The following KCNK9 variants were observed in gnomAD, a reference collection of about 807,000 sequenced individuals.
The protein encoded by KCNK9 is potassium two pore domain channel subfamily K member 9, also known as potassium channel subfamily K member 9.
In KCNK9, 1 loss-of-function variant was observed where a neutral mutation model predicts 10.8. The observed-to-expected ratio is 0.09, with a 90% CI of 0.03 to 0.44. The LOEUF is 0.44. Among genes scored for constraint, KCNK9 ranks in the 20% least tolerant of loss-of-function variants. The pLI is 0.97. For missense variants in KCNK9, 303 were observed against 515.0 expected (o/e 0.59, Z 3.98); for synonymous variants, 231 against 222.7 (o/e 1.04, Z -0.33).
chr8:139,687,368 G>T (rs1206819132), intron 1 of KCNK9, among the ~76,000 whole-genome samples: 3 of 141,880 alleles, frequency 2.1e-5, no homozygotes, highest in Admixed American at 7.2e-5. Flanking sequence ...ACATATATAT[G>T]TGTATACATA....
downstream of KCNK9, among the ~76,000 whole-genome samples, chr8:139,608,422 C>A (rs1051691662): frequency 6.6e-6 from 1 of 152,256 alleles, no homozygotes; most frequent in Non-Finnish European, 1.5e-5. Context: ...CCTTCCTTCG[C>A]AGACGGGGAA....
chr8:139,626,955 G>A lies in KCNK9; in HGVS notation c.284-7856C>T, dbSNP rs570854714. On this transcript the variant is annotated intron_variant, in intron 1 of 1. Coordinates refer to ENST00000520439, the MANE Select transcript of KCNK9 (RefSeq NM_001282534.2). ...TCCCACTCATCCTCCCATGAGCTTC[G>A]GCCCCGCTCAGGCCCCGGAATGAAC... 5.3e-5 allele frequency among the ~76,000 whole-genome samples: 8 copies of A among 152,220 alleles called. No individual in the cohort carries two copies. The East Asian group carries it at 9.7e-4, about 18-fold the overall frequency.
Position 139,687,490 on chromosome 8 carries a change from A to ATT in KCNK9, c.283+15219_283+15220insAA, listed in dbSNP as rs1324363302. Among the ~76,000 whole-genome samples the ATT allele has an allele frequency of 2.3e-3, 91 of 38,830 alleles. 18 individuals are homozygous for ATT. Among genetic ancestry groups the ATT allele is most frequent in the Non-Finnish European group, 3.8e-3 (56 of 14,820 alleles). 25.5% of individuals were successfully genotyped at this position (38,830 alleles called of 152,430 possible). A position where few individuals can be genotyped will look rare whatever the true frequency, so the allele number is the denominator to read the frequency against. ...TATTCATATATATGTATACATATATACACATATATACATATATATGTATAC... is the reference window on the plus strand; with the variant it reads ...TATTCATATATATGTATACATATATATTCACATATATACATATATATGTATAC... On this transcript the variant is annotated intron_variant, in intron 1 of 1. Transcript: ENST00000520439.
chr8:139,624,716 C>T (rs1814910228), intron 1 of KCNK9, among the ~76,000 whole-genome samples: 1 of 152,192 alleles, frequency 6.6e-6, no homozygotes, highest in Non-Finnish European at 1.5e-5. Context: ...AGGTCACCTG[C>T]TAAGTGAAGC....
intron 1 of KCNK9, among the ~76,000 whole-genome samples, chr8:139,638,354 C>G (rs1815399051): frequency 6.6e-6 from 1 of 152,156 alleles, no homozygotes; most frequent in Non-Finnish European, 1.5e-5. Flanking sequence ...TTCCCAATGA[C>G]CAGCAAAGGA....
chr8:139,682,279 C>T (rs1276396905), intron 1 of KCNK9, among the ~76,000 whole-genome samples: 1 of 152,184 alleles, frequency 6.6e-6, no homozygotes, highest in African/African-American at 2.4e-5. Context: ...CAAACATTCT[C>T]GGAGGGCCTG....
At chr8:139,623,296 C>G (rs1403437875) in intron 1 of KCNK9, among the ~76,000 whole-genome samples, 1 of 152,170 alleles carries the variant, frequency 6.6e-6, no homozygotes, top group East Asian at 1.9e-4. Flanking sequence ...ATGAACATAT[C>G]CCAGCATCAC....
At chr8:139,612,484 C>T (rs987071789), downstream of KCNK9, 1 of 152,170 alleles carries the variant, frequency 6.6e-6, no homozygotes, top group Admixed American at 6.5e-5. Context: ...ACCCTCACAT[C>T]GAGCGTTTCT....
At chr8:139,667,158 G>C (rs750584304) in intron 1 of KCNK9, among the ~76,000 whole-genome samples, 1 of 152,204 alleles carries the variant, frequency 6.6e-6, no homozygotes, top group Non-Finnish European at 1.5e-5. Context: ...AGAAGCGCCC[G>C]AGTGGGCTGG....
intron 1 of KCNK9, 90 bp from the exon 2 acceptor site, chr8:139,619,189 T>A: frequency 6.9e-7 from 1 of 1,443,322 alleles, no homozygotes; most frequent in Non-Finnish European, 9.5e-7. Context: ...TGCAGTGCAG[T>A]GCAATGCAGA....
At chr8:139,687,449 C>CATATATATATTCATATATATGTGTAT (rs1563751793) in intron 1 of KCNK9, among the ~76,000 whole-genome samples, 1 of 54,556 alleles carries the variant, frequency 1.8e-5, no homozygotes, top group African/African-American at 6.9e-5. Flanking sequence ...TATATGTATA[C>CATATATATATTCATATATATGTGTAT]ACATATATAT....
At chr8:139,668,882 C>T (rs1816363236) in intron 1 of KCNK9, among the ~76,000 whole-genome samples, 1 of 152,198 alleles carries the variant, frequency 6.6e-6, no homozygotes, top group Admixed American at 6.5e-5. Flanking sequence ...AACCTTGTCA[C>T]GTTCAGCTGC....
intron 1 of KCNK9, among the ~76,000 whole-genome samples, chr8:139,688,345 C>T (rs980400160): frequency 1.3e-5 from 2 of 152,136 alleles, no homozygotes; most frequent in African/African-American, 4.8e-5. Flanking sequence ...TCACAGTTCC[C>T]ACATGGCTGG....
chr8:139,602,881 T>C (rs1817404418), intron 2 of KCNK9, among the ~76,000 whole-genome samples: 2 of 152,210 alleles, frequency 1.3e-5, no homozygotes, highest in African/African-American at 4.8e-5. Flanking sequence ...AGTAAAACCT[T>C]TGAAACCTCA....
intron 1 of KCNK9, among the ~76,000 whole-genome samples, chr8:139,694,262 A>G (rs567683143): frequency 2.0e-4 from 30 of 152,162 alleles, no homozygotes; most frequent in African/African-American, 6.8e-4. Flanking sequence ...CCTAATGAGC[A>G]CGCCCAAATG....
At position 139,636,460 on chromosome 8, in the gene KCNK9, C is replaced by G. The variant is rs745791057; in HGVS notation, c.284-17361G>C. On this transcript the variant is annotated intron_variant, in intron 1 of 1. Transcript: ENST00000520439. ...CTTAAGCCATTTGCCTGTCCAGATG[C>G]AGAACCTCTTTTCCCTTCCCTATGG... is the stretch of plus-strand genomic sequence containing the variant. Among the ~76,000 whole-genome samples the G allele has an allele frequency of 3.9e-5, 6 of 152,256 alleles. No individual in the cohort carries two copies. In the South Asian group the frequency reaches 1.0e-3, roughly 26 times the overall value.
intron 1 of KCNK9, among the ~76,000 whole-genome samples, chr8:139,635,651 T>C (rs1815314615): frequency 6.6e-6 from 1 of 152,222 alleles, no homozygotes; most frequent in Non-Finnish European, 1.5e-5. Context: ...TTTTCTACTT[T>C]TTAGATTTTT....
Position 139,702,603 on chromosome 8 carries a change from C to T in KCNK9, c.283+107G>A. 1 of 1,171,782 alleles carries T rather than the reference C, an allele frequency of 8.5e-7. No homozygotes were observed. Among genetic ancestry groups the T allele is most frequent in the Non-Finnish European group, 1.2e-6 (1 of 849,114 alleles). 72.6% of individuals were successfully genotyped at this position (1,171,782 alleles called of 1,614,324 possible). A position where few individuals can be genotyped will look rare whatever the true frequency, so the allele number is the denominator to read the frequency against. ...GCTGCGGGAAGGCCCCCAAGGGAGGCTGCGTTTAACCCTCGACGCCCTGCA... is the reference window on the plus strand; with the variant it reads ...GCTGCGGGAAGGCCCCCAAGGGAGGTTGCGTTTAACCCTCGACGCCCTGCA... On this transcript the variant is annotated intron_variant, in intron 1 of 1. Coordinates refer to ENST00000520439, the MANE Select transcript of KCNK9 (RefSeq NM_001282534.2). This position sits in a 1 kb window ranked among gnomAD's most constrained non-coding sequence, Gnocchi z 7.5.
chr8:139,692,919 G>A (rs1816963322), intron 1 of KCNK9, among the ~76,000 whole-genome samples: 1 of 152,052 alleles, frequency 6.6e-6, no homozygotes, highest in South Asian at 2.1e-4. Context: ...GGAACCAAGT[G>A]TCCACCCCAC....
Sources: allele counts gnomAD v4.1 joint callset (sites outside exome capture counted in the v4.1 genomes callset), GRCh38; gene constraint gnomAD v4.1.1; non-coding constraint Gnocchi (gnomAD v3.1); transcripts MANE v1.5; gene names NCBI Gene and HGNC (gene_info 2026-07-23, HGNC 2026-07-21).